Variants in PTPN9 observed in about 807,000 individuals in gnomAD.
PTPN9 encodes protein tyrosine phosphatase non-receptor type 9.
A neutral mutation model predicts 69.8 loss-of-function variants in PTPN9; 26 were observed. The ratio of observed to expected loss-of-function variants is 0.37; its 90% CI spans 0.27 to 0.52. The LOEUF (loss-of-function observed/expected upper bound fraction) is 0.52, where lower values mean the gene tolerates loss of function less well. Among genes scored for constraint, PTPN9 ranks in the 20% least tolerant of loss-of-function variants. The pLI, the probability that PTPN9 is intolerant of heterozygous loss-of-function variation, is 0.91. For missense variants in PTPN9, 549 were observed against 740.3 expected (o/e 0.74, Z 3.00); for synonymous variants, 274 against 272.5 (o/e 1.01, Z -0.05).
chr15:75,533,248 G>A (rs1168820026), intron 1 of PTPN9, among the ~76,000 whole-genome samples: 2 of 152,104 alleles, frequency 1.3e-5, no homozygotes, highest in Non-Finnish European at 2.9e-5. Context: ...CAGTTTTTCA[G>A]GTAAGGGTAA....
chr15:75,483,016 T>G (rs1157783926), intron 8 of PTPN9, among the ~76,000 whole-genome samples: 1 of 151,976 alleles, frequency 6.6e-6, no homozygotes, highest in Non-Finnish European at 1.5e-5. Context: ...TACCACGAGA[T>G]ACTAATTTAT....
Position 75,524,340 on chromosome 15 carries a change from T to C in PTPN9, c.208-42A>G, listed in dbSNP as rs371744696. The C allele has an allele frequency of 1.9e-5, 25 of 1,302,142 alleles. 1 individual carries two copies. Among genetic ancestry groups the C allele is most frequent in the Non-Finnish European group, 2.4e-5 (22 of 898,856 alleles). The allele number at this position is 1,302,142 out of a possible 1,614,324, so 80.7% of individuals were successfully genotyped here. A position where few individuals can be genotyped will look rare whatever the true frequency, so the allele number is the denominator to read the frequency against. On this transcript the variant is annotated intron_variant, in intron 2 of 12. Transcript: ENST00000618819. ...GCAAAATGTATTAATATGAAAATAC[T>C]GTATATCCAGGACAGCACCATGTAA...
At chr15:75,472,455 G>A (rs994488817) in intron 10 of PTPN9, among the ~76,000 whole-genome samples, 7 of 145,248 alleles carry the variant, frequency 4.8e-5, no homozygotes, top group Non-Finnish European at 7.4e-5. Flanking sequence ...GTGAGACTCC[G>A]TCTCAAAAAT....
At position 75,538,367 on chromosome 15, in the gene PTPN9, G is replaced by A. The variant is rs1457392569; in HGVS notation, c.64-11106C>T. On this transcript the variant is annotated intron_variant, in intron 1 of 12. Coordinates refer to ENST00000618819, the MANE Select transcript of PTPN9 (RefSeq NM_002833.4). ...ATTGCACTGAAGGTCATACCTAACA[G>A]AAGCCAAAAGATGCGTAACAACCTG... Among the ~76,000 whole-genome samples the A allele has an allele frequency of 3.9e-5, 6 of 152,070 alleles. No homozygotes were observed. The East Asian group carries it at 1.2e-3, about 29-fold the overall frequency.
intron 8 of PTPN9, 84 bp from the exon 9 acceptor site, chr15:75,479,998 C>A: frequency 1.1e-6 from 1 of 936,776 alleles, no homozygotes; most frequent in Non-Finnish European, 1.6e-6. Flanking sequence ...AAGTAAAACC[C>A]AAGGTGTGAA....
At chr15:75,536,207 C>T (rs1267987531) in intron 1 of PTPN9, among the ~76,000 whole-genome samples, 1 of 152,154 alleles carries the variant, frequency 6.6e-6, no homozygotes, top group African/African-American at 2.4e-5. Flanking sequence ...ATTAGTCAAA[C>T]ATTCACAACA....
At position 75,530,666 on chromosome 15, in the gene PTPN9, AC is replaced by A. The variant is rs1292687740; in HGVS notation, c.64-3406del. Among the ~76,000 whole-genome samples the A allele has an allele frequency of 9.7e-5, 5 of 51,464 alleles. 1 individual carries two copies. The highest frequency in any genetic ancestry group is 1.5e-3 in the East Asian group (2 of 1,292). 33.8% of individuals were successfully genotyped at this position (51,464 alleles called of 152,430 possible). A position where few individuals can be genotyped will look rare whatever the true frequency, so the allele number is the denominator to read the frequency against. On this transcript the variant is annotated intron_variant, in intron 1 of 12. Transcript: ENST00000618819. ...TATAATATATATTATTATATAATAT[AC>A]TATTATATATATTATTATATTATAA...
intron 1 of PTPN9, among the ~76,000 whole-genome samples, chr15:75,560,634 G>A (rs1050917793): frequency 6.6e-6 from 1 of 152,188 alleles, no homozygotes; most frequent in Non-Finnish European, 1.5e-5. Flanking sequence ...CACTCTGGGA[G>A]GCCAAAAGAG....
intron 8 of PTPN9, among the ~76,000 whole-genome samples, chr15:75,483,890 A>T (rs994672848): frequency 1.3e-5 from 2 of 152,226 alleles, no homozygotes; most frequent in African/African-American, 4.8e-5. Context: ...AGTTAGGCAC[A>T]TCTGAAGCCT....
intron 7 of PTPN9, among the ~76,000 whole-genome samples, chr15:75,491,062 C>T (rs2074708009): frequency 6.6e-6 from 1 of 152,028 alleles, no homozygotes; most frequent in Non-Finnish European, 1.5e-5. Flanking sequence ...TGCGCTATGA[C>T]AGCGCCACTG....
chr15:75,511,461 G>T (rs1271321323), intron 5 of PTPN9, among the ~76,000 whole-genome samples: 1 of 152,126 alleles, frequency 6.6e-6, no homozygotes, highest in Admixed American at 6.6e-5. Context: ...GCCCAGGCTG[G>T]TTTCAAACTA....
chr15:75,471,868 C>A (rs2074567829), intron 10 of PTPN9, among the ~76,000 whole-genome samples: 1 of 151,418 alleles, frequency 6.6e-6, no homozygotes, highest in Admixed American at 6.6e-5. Context: ...GCTGAGATCG[C>A]ACCACTTAAG....
intron 6 of PTPN9, 81 bp downstream of exon 6, chr15:75,508,836 T>G: frequency 9.2e-7 from 1 of 1,092,050 alleles, no homozygotes; most frequent in Non-Finnish European, 1.4e-6. Flanking sequence ...GCCAGGAGGA[T>G]TTTTTGAAGG....
In PTPN9 at chr15:75,467,247, T is replaced by A. The variant is rs2074540444; in HGVS notation, c.*1522A>T. 3.3e-5 allele frequency: 5 copies of A among 152,700 alleles called. No homozygotes were observed. In the South Asian group the frequency reaches 1.0e-3, roughly 32 times the overall value. The allele number at this position is 152,700 out of a possible 1,614,324, so 9.5% of individuals were successfully genotyped here. A position where few individuals can be genotyped will look rare whatever the true frequency, so the allele number is the denominator to read the frequency against. ...CATTGATATTAAATACAAAATGAAA[T>A]GATTGTAAAAAATAATAATATACAC... On this transcript the variant is annotated 3_prime_UTR_variant, in exon 13 of 13. Coordinates refer to ENST00000618819, the MANE Select transcript of PTPN9 (RefSeq NM_002833.4).
At chr15:75,554,244 G>A (rs1400014570) in intron 1 of PTPN9, among the ~76,000 whole-genome samples, 1 of 150,942 alleles carries the variant, frequency 6.6e-6, no homozygotes, top group East Asian at 2.0e-4. Flanking sequence ...GCCCAGGCTG[G>A]AGTGCAATGG....
chr15:75,473,036 T>C (rs546808966), intron 10 of PTPN9, among the ~76,000 whole-genome samples: 3 of 151,828 alleles, frequency 2.0e-5, no homozygotes, highest in Admixed American at 2.0e-4. Flanking sequence ...CCTCTGGAAA[T>C]AGGGAACAGA....
chr15:75,525,440 C>T (rs564552031), intron 2 of PTPN9, among the ~76,000 whole-genome samples: 24 of 151,394 alleles, frequency 1.6e-4, no homozygotes, highest in African/African-American at 4.6e-4. Context: ...GCGATCCACC[C>T]GCCTCGGCCT....
chr15:75,470,119 C>G (rs1294881442), intron 11 of PTPN9, 120 bp from the exon 12 acceptor site: 7 of 911,018 alleles, frequency 7.7e-6, no homozygotes, highest in African/African-American at 6.7e-5. Flanking sequence ...CTATCCACCA[C>G]TGTCAACTTT....
At chr15:75,575,397 T>C (rs1043760718) in intron 1 of PTPN9, among the ~76,000 whole-genome samples, 4 of 152,208 alleles carry the variant, frequency 2.6e-5, no homozygotes, top group African/African-American at 9.7e-5. Flanking sequence ...AAAGATTTTT[T>C]GCTATTTACA....
Sources: allele counts gnomAD v4.1 joint callset (sites outside exome capture counted in the v4.1 genomes callset), GRCh38; gene constraint gnomAD v4.1.1; transcripts MANE v1.5; gene names NCBI Gene and HGNC (gene_info 2026-07-23, HGNC 2026-07-21).